The following FARS2 variants were observed in gnomAD, a reference collection of about 807,000 sequenced individuals.
The protein encoded by FARS2 is phenylalanyl-tRNA synthetase 2, mitochondrial.
FARS2 carries 40 observed loss-of-function variants against 46.4 expected under a neutral mutation model. That is an observed-to-expected ratio of 0.86 (90% confidence interval 0.67 to 1.12). FARS2 has a LOEUF of 1.12. FARS2 is among the 50% of genes most tolerant of loss of function. The pLI is 0.00. For synonymous variants in FARS2, 234 were observed against 214.9 expected, an observed-to-expected ratio of 1.09 and a Z score of -0.78; for missense variants, 513 against 567.9, an observed-to-expected ratio of 0.90 and a Z score of 0.98.
At chr6:5,662,387 T>C (rs1355410317) in intron 6 of FARS2, among the ~76,000 whole-genome samples, 2 of 152,226 alleles carry the variant, frequency 1.3e-5, no homozygotes, top group Non-Finnish European at 2.9e-5. Flanking sequence ...TCAAGGCACC[T>C]CTGTGCTATA....
intron 5 of FARS2, among the ~76,000 whole-genome samples, chr6:5,549,147 C>G (rs186114937): frequency 6.7e-6 from 1 of 149,464 alleles, no homozygotes; most frequent in African/African-American, 2.5e-5. Flanking sequence ...TCTGTAGGCT[C>G]TTGGGGGAAT....
At chr6:5,481,946 G>A (rs569383247) in intron 4 of FARS2, among the ~76,000 whole-genome samples, 7 of 152,288 alleles carry the variant, frequency 4.6e-5, no homozygotes, top group East Asian at 3.9e-4. Context: ...GTCCTCGTAA[G>A]TTCCTTCTCA....
At chr6:5,367,975 C>T (rs1245887152) in intron 1 of FARS2, among the ~76,000 whole-genome samples, 2 of 152,196 alleles carry the variant, frequency 1.3e-5, no homozygotes, top group East Asian at 3.9e-4. Flanking sequence ...TTAGTAATGT[C>T]ACTTTGTGAT....
At chr6:5,267,889 G>A (rs534284067) in intron 1 of FARS2, among the ~76,000 whole-genome samples, 1 of 151,854 alleles carries the variant, frequency 6.6e-6, no homozygotes, top group South Asian at 2.1e-4. Context: ...TTTAATGATC[G>A]CCATTCTAAC....
At chr6:5,379,623 G>C (rs2432751) in intron 2 of FARS2, among the ~76,000 whole-genome samples, 1 of 152,032 alleles carries the variant, frequency 6.6e-6, no homozygotes, top group Non-Finnish European at 1.5e-5. Context: ...TGATATCCAC[G>C]CTCTGGAATG....
At chr6:5,708,329 C>T (rs1758894471) in intron 6 of FARS2, among the ~76,000 whole-genome samples, 1 of 152,084 alleles carries the variant, frequency 6.6e-6, no homozygotes, top group Non-Finnish European at 1.5e-5. Flanking sequence ...AGCATCATTT[C>T]ACTCTCTTAT....
intron 1 of FARS2, among the ~76,000 whole-genome samples, chr6:5,270,771 G>A (rs78211498): frequency 0.088 from 13,323 of 152,090 alleles, 724 homozygotes; most frequent in African/African-American, 0.15. Context: ...CACTTCTCCA[G>A]TCCCATGTCA....
In FARS2 at chr6:5,359,029, C is replaced by CTTTTTTTTTTTT. The variant is rs764897456; in HGVS notation, c.-21-9521_-21-9520insTTTTTTTTTTTT. 3.6e-4 allele frequency among the ~76,000 whole-genome samples: 26 copies of CTTTTTTTTTTTT among 72,534 alleles called. 10 individuals are homozygous for CTTTTTTTTTTTT. The highest frequency in any genetic ancestry group is 5.0e-4 in the African/African-American group (11 of 22,058). 47.6% of individuals were successfully genotyped at this position (72,534 alleles called of 152,430 possible). A position where few individuals can be genotyped will look rare whatever the true frequency, so the allele number is the denominator to read the frequency against. Reference sequence around the variant, plus strand: ...TCGAATTATAGTGATGAAAAGATACCCTTTTTTTTTTTTTTTTTTTTTTTT... The same window carrying CTTTTTTTTTTTT: ...TCGAATTATAGTGATGAAAAGATACCTTTTTTTTTTTTCTTTTTTTTTTTTTTTTTTTTTTTT... On this transcript the variant is annotated intron_variant, in intron 1 of 6. Transcript: ENST00000274680.
At chr6:5,332,266 C>T (rs940688736) in intron 1 of FARS2, among the ~76,000 whole-genome samples, 15 of 152,168 alleles carry the variant, frequency 9.9e-5, no homozygotes, top group African/African-American at 3.1e-4. Flanking sequence ...AATGAAGCCA[C>T]GCACTTTGCA....
intron 6 of FARS2, among the ~76,000 whole-genome samples, chr6:5,699,464 C>A (rs1195798574): frequency 2.0e-5 from 3 of 152,160 alleles, no homozygotes; most frequent in Non-Finnish European, 4.4e-5. Flanking sequence ...AGGCCCCACC[C>A]CAGACCTGCA....
intron 6 of FARS2, among the ~76,000 whole-genome samples, chr6:5,658,980 C>T (rs537737933): frequency 1.9e-3 from 284 of 152,320 alleles, no homozygotes; most frequent in African/African-American, 6.6e-3. Flanking sequence ...TACAATTGTT[C>T]CTGATAGTGC....
intron 6 of FARS2, among the ~76,000 whole-genome samples, chr6:5,689,213 CT>C (rs1229626574): frequency 1.3e-5 from 2 of 152,190 alleles, no homozygotes; most frequent in African/African-American, 4.8e-5. Flanking sequence ...GAGTTCTGCT[CT>C]GATCTTAGTT....
intron 4 of FARS2, among the ~76,000 whole-genome samples, chr6:5,487,396 C>T (rs546666875): frequency 6.6e-6 from 1 of 152,268 alleles, no homozygotes; most frequent in East Asian, 1.9e-4. Context: ...TAGAACCAAC[C>T]AGCACTACAA....
At chr6:5,250,625 G>A in the FARS2 span, among the ~76,000 whole-genome samples, 3 of 152,168 alleles carry the variant, frequency 2.0e-5, no homozygotes, top group South Asian at 6.2e-4. Flanking sequence ...ACCTCTAGTT[G>A]CCTGTGGAGC....
chr6:5,519,835 A>G (rs867902574), intron 4 of FARS2, among the ~76,000 whole-genome samples: 10 of 152,332 alleles, frequency 6.6e-5, no homozygotes, highest in African/African-American at 2.2e-4. Context: ...TTGCGGTGTG[A>G]TCTTAATAAC....
chr6:5,761,291 A>G lies in FARS2; in HGVS notation c.1218-10000A>G, dbSNP rs549230657. Among the ~76,000 whole-genome samples, 3 of 152,316 alleles carry G rather than the reference A, an allele frequency of 2.0e-5. No homozygotes were observed. In the South Asian group the frequency reaches 6.2e-4, roughly 32 times the overall value. On this transcript the variant is annotated intron_variant, in intron 6 of 6. Transcript: ENST00000274680. Reference sequence around the variant, plus strand: ...TTATGGACCCCAAGTGGATTGTAATATAGCCTAATCCTTCTTTCTGTAACT... The same window carrying G: ...TTATGGACCCCAAGTGGATTGTAATGTAGCCTAATCCTTCTTTCTGTAACT...
At chr6:5,528,562 TC>T (rs916822538) in intron 4 of FARS2, among the ~76,000 whole-genome samples, 3 of 152,232 alleles carry the variant, frequency 2.0e-5, no homozygotes, top group Non-Finnish European at 4.4e-5. Context: ...ATACCTGGGT[TC>T]ACATCCCAGA....
intron 6 of FARS2, among the ~76,000 whole-genome samples, chr6:5,626,351 C>T (rs1437811060): frequency 6.6e-6 from 1 of 152,082 alleles, no homozygotes; most frequent in Non-Finnish European, 1.5e-5. Context: ...TCCCGCAGAG[C>T]CCCCCAGAAG....
In FARS2 at chr6:5,626,345, G is replaced by T. The variant is rs114533326; in HGVS notation, c.1217+13025G>T. Among the ~76,000 whole-genome samples the T allele has an allele frequency of 5.5e-3, 837 of 152,168 alleles. 4 individuals are homozygous for T. Among genetic ancestry groups the T allele is most frequent in the African/African-American group, 0.011 (465 of 41,520 alleles). On this transcript the variant is annotated intron_variant, in intron 6 of 6. Coordinates refer to ENST00000274680, the MANE Select transcript of FARS2 (RefSeq NM_006567.5). ...CTGCTGTCATGGATCCCAGTATCCCGCAGAGCCCCCCAGAAGTATTTCTGT... is the reference window on the plus strand; with the variant it reads ...CTGCTGTCATGGATCCCAGTATCCCTCAGAGCCCCCCAGAAGTATTTCTGT...
Sources: gnomAD v4.1 joint callset for allele counts (sites outside exome capture counted in the v4.1 genomes callset) on GRCh38, gnomAD v4.1.1 for gene constraint, MANE v1.5 for transcripts, NCBI Gene and HGNC (gene_info 2026-07-23, HGNC 2026-07-21) for gene names.